The following NUTF2 variants were observed in gnomAD, a reference collection of about 807,000 sequenced individuals.
NUTF2 encodes nuclear transport factor 2.
A neutral mutation model predicts 18.5 loss-of-function variants in NUTF2; 3 were observed. That is an observed-to-expected ratio of 0.16 (90% CI 0.07 to 0.42). NUTF2 has a LOEUF of 0.42. NUTF2 is among the 10% of genes least tolerant of loss of function. The probability of loss-of-function intolerance (pLI) is 0.99; values close to 1 mark genes in which losing one functional copy is unlikely to be tolerated. For synonymous variants in NUTF2, 51 were observed against 57.9 expected (o/e 0.88, Z 0.54); for missense variants, 44 against 160.7 (o/e 0.27, Z 3.93).
chr16:67,852,425 C>G (rs749771036), intron 1 of NUTF2, among the ~76,000 whole-genome samples: 1 of 150,974 alleles, frequency 6.6e-6, no homozygotes, highest in Admixed American at 6.6e-5. Flanking sequence ...GTCGCAGTCT[C>G]GGCTCACTGC....
chr16:67,863,937 C>T (rs2057951306), intron 1 of NUTF2, among the ~76,000 whole-genome samples: 1 of 152,204 alleles, frequency 6.6e-6, no homozygotes, highest in African/African-American at 2.4e-5. Context: ...GGGGCCTCCT[C>T]TCAGAGACCC....
chr16:67,868,453 C>CA, intron 3 of NUTF2, 42 bp downstream of exon 3: 9 of 1,613,810 alleles, frequency 5.6e-6, no homozygotes, highest in Non-Finnish European at 7.6e-6. Context: ...GCTCCTTTCC[C>CA]ACCCCTTCTG....
chr16:67,847,913 G>T (rs145525811), intron 1 of NUTF2: 2 of 152,366 alleles, frequency 1.3e-5, no homozygotes, highest in Non-Finnish European at 2.9e-5. Context: ...AGGGGCTTTG[G>T]GGGGTGGGGC....
Position 67,868,404 on chromosome 16 carries a change from A to C in NUTF2, c.164A>C (p.Lys55Thr), listed in dbSNP as rs2057988972. 2 of 1,614,028 alleles carry C rather than the reference A, an allele frequency of 1.2e-6. No individual in the cohort carries two copies. The highest frequency in any genetic ancestry group is 1.3e-5 in the African/African-American group (1 of 74,900). Residue 55 changes from lysine (K) to threonine (T), a missense_variant, in exon 3 of 5, where the codon AAG becomes ACG. Coordinates refer to ENST00000219169, the MANE Select transcript of NUTF2 (RefSeq NM_005796.3). The stretch of plus-strand genomic sequence containing the variant: ...CAGGGGAAAGCTGCCATTGTGGAGA[A>C]GTTGTCTGTAAGTAGGGAAGAAAGC... ...QFQGKAAIVE[K>T]LSSLPFQKIQ...
In NUTF2 at chr16:67,870,967, C is replaced by T. The variant is rs1023651676; in HGVS notation, c.*54C>T. 4 of 1,274,608 alleles carry T rather than the reference C, an allele frequency of 3.1e-6. No individual in the cohort carries two copies. In the African/African-American group the frequency reaches 5.9e-5, roughly 19 times the overall value. The allele number at this position is 1,274,608 out of a possible 1,614,324, so 79.0% of individuals were successfully genotyped here. A position where few individuals can be genotyped will look rare whatever the true frequency, so the allele number is the denominator to read the frequency against. On this transcript the variant is annotated 3_prime_UTR_variant, in exon 5 of 5. Coordinates refer to ENST00000219169, the MANE Select transcript of NUTF2 (RefSeq NM_005796.3). ...TTCCTCCTCCCTCCTCTTCCCAATACTATTCCCACTCCTCCAGATGCTCCA... is the reference window on the plus strand; with the variant it reads ...TTCCTCCTCCCTCCTCTTCCCAATATTATTCCCACTCCTCCAGATGCTCCA...
chr16:67,864,077 T>A (rs2057952213), intron 1 of NUTF2, among the ~76,000 whole-genome samples: 1 of 152,210 alleles, frequency 6.6e-6, no homozygotes, highest in African/African-American at 2.4e-5. Context: ...CTTGAACTCA[T>A]GTCCCCAGCT....
intron 1 of NUTF2, among the ~76,000 whole-genome samples, chr16:67,855,166 C>T (rs991292951): frequency 3.3e-5 from 5 of 152,118 alleles, no homozygotes; most frequent in African/African-American, 1.2e-4. Context: ...GAGTCCCTCC[C>T]TCGGGGAGCC....
At chr16:67,856,014 A>C in intron 1 of NUTF2, 1 of 1,081,758 alleles carries the variant, frequency 9.2e-7, no homozygotes, top group Non-Finnish European at 1.4e-6. Context: ...AGCACGTTGA[A>C]GCGTACTGTC....
chr16:67,849,106 A>G (rs958447715), intron 1 of NUTF2, among the ~76,000 whole-genome samples: 4 of 152,196 alleles, frequency 2.6e-5, no homozygotes, highest in Non-Finnish European at 5.9e-5. Context: ...CCATGAGGAC[A>G]TGGAAATCAG....
chr16:67,867,050 C>T (rs1484538483), intron 2 of NUTF2, among the ~76,000 whole-genome samples: 1 of 151,924 alleles, frequency 6.6e-6, no homozygotes, highest in Non-Finnish European at 1.5e-5. Flanking sequence ...TGGCTCACTG[C>T]ATCCTCTGCC....
At chr16:67,849,451 C>T (rs1356693484) in intron 1 of NUTF2, among the ~76,000 whole-genome samples, 3 of 151,530 alleles carry the variant, frequency 2.0e-5, no homozygotes, top group Non-Finnish European at 4.4e-5. Flanking sequence ...AAACGATTCT[C>T]CTGCCTCAGC....
In NUTF2 at chr16:67,865,105, T is replaced by C. The variant is rs2057961607; in HGVS notation, c.-26T>C. On this transcript the variant is annotated 5_prime_UTR_variant, in exon 2 of 5. Transcript: ENST00000219169. ...CCTGGTCTCATTGGTCTTGCAGGTC[T>C]CCGTGAGGCCGGGTGACGCTCCAGA... is the stretch of plus-strand genomic sequence containing the variant. The C allele has an allele frequency of 6.4e-7, 1 of 1,551,122 alleles. No homozygotes were observed. Among genetic ancestry groups the C allele is most frequent in the African/African-American group, 1.4e-5 (1 of 73,606 alleles).
At chr16:67,849,842 T>C (rs943319025) in intron 1 of NUTF2, among the ~76,000 whole-genome samples, 16 of 151,894 alleles carry the variant, frequency 1.1e-4, no homozygotes, top group African/African-American at 3.1e-4. Context: ...GTATTTTTAG[T>C]AGAGACGGGG....
chr16:67,854,953 A>AT (rs920933719), intron 1 of NUTF2, among the ~76,000 whole-genome samples: 1 of 151,616 alleles, frequency 6.6e-6, no homozygotes, highest in Non-Finnish European at 1.5e-5. Flanking sequence ...TAAAAAAAAA[A>AT]GTTGGGCAGG....
intron 1 of NUTF2, among the ~76,000 whole-genome samples, chr16:67,864,075 CAT>C (rs1319400649): frequency 6.6e-6 from 1 of 152,226 alleles, no homozygotes; most frequent in Non-Finnish European, 1.5e-5. Flanking sequence ...TCCTTGAACT[CAT>C]GTCCCCAGCT....
intron 1 of NUTF2, among the ~76,000 whole-genome samples, chr16:67,859,549 G>T (rs1053268331): frequency 3.9e-5 from 6 of 151,916 alleles, no homozygotes; most frequent in Non-Finnish European, 8.8e-5. Context: ...GTAGAGACGG[G>T]ATTTCTCTAT....
At chr16:67,867,921 C>T (rs1045491182) in intron 2 of NUTF2, among the ~76,000 whole-genome samples, 6 of 152,022 alleles carry the variant, frequency 3.9e-5, no homozygotes, top group Middle Eastern at 3.2e-3. Context: ...GTCCTGACCT[C>T]GTGATCTTCC....
chr16:67,852,032 A>T (rs1352566031), intron 1 of NUTF2, among the ~76,000 whole-genome samples: 1 of 152,080 alleles, frequency 6.6e-6, no homozygotes, highest in Non-Finnish European at 1.5e-5. Flanking sequence ...AAAAAAATTC[A>T]TAACTAGAAG....
chr16:67,865,270 T>A (rs1030787184), intron 2 of NUTF2, 41 bp downstream of exon 2: 2 of 1,401,988 alleles, frequency 1.4e-6, no homozygotes, highest in Non-Finnish European at 2.0e-6. Context: ...CCCTAGGGGA[T>A]CAATTTGGAT....
Sources: gnomAD v4.1 joint callset for allele counts (sites outside exome capture counted in the v4.1 genomes callset) on GRCh38, gnomAD v4.1.1 for gene constraint, MANE v1.5 for transcripts, NCBI Gene and HGNC (gene_info 2026-07-23, HGNC 2026-07-21) for gene names.